The following FHL2 variants were observed in gnomAD, a reference collection of about 807,000 sequenced individuals.
FHL2 encodes the protein four and a half LIM domains protein 2.
Under a neutral mutation model 32.7 loss-of-function variants are expected in FHL2, and 20 were observed. The observed-to-expected ratio is 0.61, with a 90% CI of 0.43 to 0.89. The LOEUF is 0.89. Ranked by LOEUF, FHL2 falls within the 40% of genes least tolerant of loss-of-function variation. FHL2 has a pLI of 0.00. For missense variants in FHL2, 311 were observed against 358.6 expected, an observed-to-expected ratio of 0.87 and a Z score of 1.07; for synonymous variants, 123 against 128.1, an observed-to-expected ratio of 0.96 and a Z score of 0.27.
chr2:105,423,979 G>A (rs972822864), intron 1 of FHL2, among the ~76,000 whole-genome samples: 2 of 152,144 alleles, frequency 1.3e-5, no homozygotes, highest in African/African-American at 4.8e-5. Flanking sequence ...AAGACTTCAT[G>A]ACTAAAACAC....
Position 105,398,993 on chromosome 2 carries a change from C to A in FHL2, c.-227G>T. On this transcript the variant is annotated 5_prime_UTR_variant, in exon 1 of 7. Coordinates refer to ENST00000530340, the MANE Select transcript of FHL2 (RefSeq NM_001318895.3). Reference sequence around the variant, plus strand: ...ACGGCACCGCAGCGGGCCGGGGACTCCCGGACGGGGCTGGAGGGCGCGGGC... The same window carrying A: ...ACGGCACCGCAGCGGGCCGGGGACTACCGGACGGGGCTGGAGGGCGCGGGC... 1 of 1,505,260 alleles carries A rather than the reference C, an allele frequency of 6.6e-7. No homozygotes were observed. Among genetic ancestry groups the A allele is most frequent in the East Asian group, 2.8e-5 (1 of 36,128 alleles). 93.2% of individuals were successfully genotyped at this position (1,505,260 alleles called of 1,614,324 possible).
intron 3 of FHL2, among the ~76,000 whole-genome samples, chr2:105,384,343 T>C (rs1212149908): frequency 6.6e-6 from 1 of 152,078 alleles, no homozygotes; most frequent in East Asian, 1.9e-4. Context: ...TTCTGAAAGG[T>C]GTGTGGAAGG....
intron 1 of FHL2, among the ~76,000 whole-genome samples, chr2:105,408,161 G>A (rs981258133): frequency 3.9e-5 from 6 of 152,178 alleles, no homozygotes; most frequent in African/African-American, 1.4e-4. Context: ...CAGTTGCAGT[G>A]TGCTTTTGCT....
At chr2:105,390,528 A>C (rs1476507472) in intron 2 of FHL2, among the ~76,000 whole-genome samples, 6 of 152,182 alleles carry the variant, frequency 3.9e-5, no homozygotes, top group Non-Finnish European at 1.5e-5. Flanking sequence ...CTAAGAGGAC[A>C]CTAGAGTTCT....
chr2:105,410,827 G>T (rs1419107359), intron 1 of FHL2, among the ~76,000 whole-genome samples: 3 of 152,208 alleles, frequency 2.0e-5, no homozygotes, highest in Non-Finnish European at 2.9e-5. Flanking sequence ...AATCCTTTCA[G>T]ATAGAAGTTA....
chr2:105,397,885 TTTG>T (rs757880880), intron 1 of FHL2, among the ~76,000 whole-genome samples: 20 of 68,494 alleles, frequency 2.9e-4, no homozygotes, highest in African/African-American at 9.4e-4. Context: ...TTTTTTGTTT[TTTG>T]TTTTTTTTTG....
chr2:105,396,907 C>T (rs1195675201), intron 1 of FHL2: 7 of 547,852 alleles, frequency 1.3e-5, no homozygotes, highest in East Asian at 3.0e-5. Context: ...AGCCGCTTAG[C>T]GACTCAGGCC....
intron 1 of FHL2, among the ~76,000 whole-genome samples, chr2:105,433,257 T>C (rs1684491306): frequency 6.6e-6 from 1 of 151,102 alleles, no homozygotes; most frequent in Admixed American, 6.6e-5. Flanking sequence ...CTCAGCTCAC[T>C]GCAACCTCCA....
At chr2:105,377,554 G>A (rs112606044) in intron 3 of FHL2, among the ~76,000 whole-genome samples, 5 of 152,226 alleles carry the variant, frequency 3.3e-5, no homozygotes, top group South Asian at 2.1e-4. Context: ...TCTTGAACCC[G>A]GGAGGTGGAG....
chr2:105,414,396 G>A (rs1683873598), intron 1 of FHL2, among the ~76,000 whole-genome samples: 1 of 152,120 alleles, frequency 6.6e-6, no homozygotes, highest in East Asian at 1.9e-4. Flanking sequence ...TGGCGTTGGG[G>A]CTGAAAGTCC....
chr2:105,363,169 C>G, intron 6 of FHL2, 116 bp downstream of exon 6: 1 of 964,228 alleles, frequency 1.0e-6, no homozygotes, highest in Non-Finnish European at 1.6e-6. Context: ...CTGCTGTGTT[C>G]AGAGCCTTAG....
Position 105,396,668 on chromosome 2 carries a change from T to C in FHL2, c.-46A>G. ...TCACCCCAAAGTCAAAATGCCAGCC[T>C]AGTCTCCAGGAAGACACAGTTCTCA... On this transcript the variant is annotated 5_prime_UTR_variant, in exon 2 of 7. Coordinates refer to ENST00000530340, the MANE Select transcript of FHL2 (RefSeq NM_001318895.3). 1.2e-6 allele frequency: 2 copies of C among 1,612,822 alleles called. No homozygotes were observed. Among genetic ancestry groups the C allele is most frequent in the Non-Finnish European group, 1.7e-6 (2 of 1,179,852 alleles).
chr2:105,367,031 C>T lies in FHL2; in HGVS notation c.501+539G>A, dbSNP rs565343930. 2.6e-5 allele frequency among the ~76,000 whole-genome samples: 4 copies of T among 152,348 alleles called. No individual in the cohort carries two copies. In the South Asian group the frequency reaches 8.3e-4, roughly 32 times the overall value. On this transcript the variant is annotated intron_variant, in intron 5 of 6. Coordinates refer to ENST00000530340, the MANE Select transcript of FHL2 (RefSeq NM_001318895.3). The stretch of plus-strand genomic sequence containing the variant: ...ACAGGTGATCCACCAGCCTTGGCCT[C>T]CCACAGTGCTGGGATTACAGGCATG...
At chr2:105,430,677 C>G (rs1002659538) in intron 1 of FHL2, among the ~76,000 whole-genome samples, 4 of 152,106 alleles carry the variant, frequency 2.6e-5, no homozygotes, top group Admixed American at 6.5e-5. Flanking sequence ...TAACAAAACC[C>G]TAGACATATT....
chr2:105,412,282 A>T (rs565118232), intron 1 of FHL2, among the ~76,000 whole-genome samples: 2 of 152,354 alleles, frequency 1.3e-5, no homozygotes, highest in African/African-American at 4.8e-5. Context: ...CACATGCTCC[A>T]ACAGGGATGG....
intron 1 of FHL2, among the ~76,000 whole-genome samples, chr2:105,425,732 T>A: frequency 6.6e-6 from 1 of 151,858 alleles, no homozygotes; most frequent in Admixed American, 6.5e-5. Flanking sequence ...CTGGCTTACG[T>A]GCACGTCCAG....
chr2:105,363,157 G>T, intron 6 of FHL2, 128 bp downstream of exon 6: 1 of 816,450 alleles, frequency 1.2e-6, no homozygotes, highest in Non-Finnish European at 1.9e-6. Flanking sequence ...AGGCAGAAAA[G>T]TCTGCTGTGT....
intron 3 of FHL2, 22 bp downstream of exon 3, chr2:105,386,339 C>A: frequency 6.2e-7 from 1 of 1,610,292 alleles, no homozygotes; most frequent in Non-Finnish European, 8.5e-7. Flanking sequence ...GCCGGGGACC[C>A]GCAGAGGCCC....
At chr2:105,432,971 C>T (rs1256990713) in intron 1 of FHL2, among the ~76,000 whole-genome samples, 1 of 152,248 alleles carries the variant, frequency 6.6e-6, no homozygotes, top group East Asian at 1.9e-4. Context: ...TTCAACACTC[C>T]TAGAACTCAA....
Sources: gnomAD v4.1 joint callset for allele counts (sites outside exome capture counted in the v4.1 genomes callset) on GRCh38, gnomAD v4.1.1 for gene constraint, MANE v1.5 for transcripts, NCBI Gene and HGNC (gene_info 2026-07-23, HGNC 2026-07-21) for gene names.